The following RAPGEF2 variants were observed in gnomAD, a reference collection of about 807,000 sequenced individuals.
The protein encoded by RAPGEF2 is PDZ domain containing guanine nucleotide exchange factor (GEF) 1.
RAPGEF2 carries 54 observed loss-of-function variants against 186.7 expected under a neutral mutation model. That is an observed-to-expected ratio of 0.29 (90% CI 0.23 to 0.36). The LOEUF is 0.36. Among genes scored for constraint, RAPGEF2 ranks in the 10% least tolerant of loss-of-function variants. The probability of loss-of-function intolerance (pLI) is 1.00; values close to 1 mark genes in which losing one functional copy is unlikely to be tolerated. For missense variants in RAPGEF2, 1,532 were observed against 2,045.0 expected (o/e 0.75, Z 4.84); for synonymous variants, 712 against 705.9 (o/e 1.01, Z -0.14).
intron 1 of RAPGEF2, among the ~76,000 whole-genome samples, chr4:159,143,883 G>T (rs1487064202): frequency 3.3e-5 from 5 of 152,202 alleles, no homozygotes; most frequent in Non-Finnish European, 7.3e-5. Context: ...ATGGCATTGG[G>T]TTGTCATGTG....
intron 1 of RAPGEF2, among the ~76,000 whole-genome samples, chr4:159,162,609 C>T (rs1386743281): frequency 6.6e-6 from 1 of 152,000 alleles, no homozygotes; most frequent in Non-Finnish European, 1.5e-5. Flanking sequence ...CAAAATAGAA[C>T]CTAAGGGTTT....
intron 1 of RAPGEF2, among the ~76,000 whole-genome samples, chr4:159,121,406 G>T (rs1042138950): frequency 6.9e-6 from 1 of 145,292 alleles, no homozygotes; most frequent in Non-Finnish European, 1.5e-5. Context: ...TCTGTCTGTT[G>T]CCCAGGCTGG....
chr4:159,214,100 T>C (rs1452461364), intron 4 of RAPGEF2, among the ~76,000 whole-genome samples: 1 of 152,242 alleles, frequency 6.6e-6, no homozygotes, highest in Admixed American at 6.5e-5. Context: ...GGAAGATTGC[T>C]ATCAAAGGTA....
intron 4 of RAPGEF2, among the ~76,000 whole-genome samples, chr4:159,234,278 G>A (rs531040435): frequency 6.6e-6 from 1 of 152,240 alleles, no homozygotes; most frequent in South Asian, 2.1e-4. Flanking sequence ...GTACATTTAA[G>A]TTACCCAAGT....
At chr4:159,109,761 T>C (rs1042203554) in intron 1 of RAPGEF2, among the ~76,000 whole-genome samples, 1 of 152,204 alleles carries the variant, frequency 6.6e-6, no homozygotes, top group Non-Finnish European at 1.5e-5. Context: ...ACCAGTGAAC[T>C]AGTGGACCTG....
At position 159,360,109 on chromosome 4, in the gene RAPGEF2, TCC is replaced by T. The variant is rs1407627441; in HGVS notation, c.*1971_*1972del. ...AATGTACTATGTTTATGCTTCTACA[TCC>T]AGTTTGTACAAGCTGGAAAATAAAT... On this transcript the variant is annotated 3_prime_UTR_variant, in exon 30 of 30. Coordinates refer to ENST00000691494, the MANE Select transcript of RAPGEF2 (RefSeq NM_001394067.2). The T allele has an allele frequency of 3.9e-5, 6 of 152,210 alleles. No individual in the cohort carries two copies. In the East Asian group the frequency reaches 7.7e-4, roughly 20 times the overall value. The allele number at this position is 152,210 out of a possible 1,614,324, so 9.4% of individuals were successfully genotyped here. A position where few individuals can be genotyped will look rare whatever the true frequency, so the allele number is the denominator to read the frequency against.
chr4:159,179,973 T>C (rs938710629), intron 1 of RAPGEF2, among the ~76,000 whole-genome samples: 3 of 152,204 alleles, frequency 2.0e-5, no homozygotes, highest in African/African-American at 7.2e-5. Flanking sequence ...CTTTAATTCT[T>C]AGACCAGGGC....
chr4:159,188,023 TAAGTC>T (rs1305974353), intron 2 of RAPGEF2, among the ~76,000 whole-genome samples: 3 of 152,086 alleles, frequency 2.0e-5, no homozygotes, highest in African/African-American at 7.3e-5. Context: ...GTTTAAAAAT[TAAGTC>T]AAGTTTTATT....
rs908582468 is a variant in RAPGEF2 at position 159,358,964 on chromosome 4, C to G, written c.*825C>G. The G allele has an allele frequency of 6.6e-6, 1 of 152,248 alleles. No homozygotes were observed. Among genetic ancestry groups the G allele is most frequent in the Non-Finnish European group, 1.5e-5 (1 of 68,078 alleles). The allele number at this position is 152,248 out of a possible 1,614,324, so 9.4% of individuals were successfully genotyped here. ...TCCTTCCCCAGTGGATGGGGTTCTT[C>G]TGTAAAACTGTTTGCACATGGCCAG... On this transcript the variant is annotated 3_prime_UTR_variant, in exon 30 of 30. Transcript: ENST00000691494.
intron 1 of RAPGEF2, among the ~76,000 whole-genome samples, chr4:159,185,888 T>C (rs1561058790): frequency 1.3e-5 from 2 of 152,176 alleles, no homozygotes. Context: ...CTGTTGTAGA[T>C]TTTGACTAAG....
chr4:159,284,908 C>T (rs1021832190), intron 7 of RAPGEF2, among the ~76,000 whole-genome samples: 3 of 152,020 alleles, frequency 2.0e-5, no homozygotes, highest in Admixed American at 6.6e-5. Context: ...GAAAAATTAG[C>T]GGGGCGTGGT....
intron 4 of RAPGEF2, among the ~76,000 whole-genome samples, chr4:159,212,208 C>T (rs1284023160): frequency 2.0e-5 from 3 of 152,116 alleles, no homozygotes; most frequent in Non-Finnish European, 4.4e-5. Flanking sequence ...ATTCTGTTTT[C>T]GGCAGGAATG....
intron 1 of RAPGEF2, among the ~76,000 whole-genome samples, chr4:159,171,705 T>C (rs1358649227): frequency 6.6e-6 from 1 of 152,184 alleles, no homozygotes; most frequent in Non-Finnish European, 1.5e-5. Flanking sequence ...TAAGAATCTT[T>C]CATGGGATAG....
chr4:159,148,305 CAGTT>C (rs1230615272), intron 1 of RAPGEF2, among the ~76,000 whole-genome samples: 12 of 152,042 alleles, frequency 7.9e-5, no homozygotes, highest in South Asian at 2.1e-4. Flanking sequence ...AAAGTATAGA[CAGTT>C]AGGCAAGGTT....
chr4:159,321,976 G>T (rs1212978395), intron 9 of RAPGEF2, among the ~76,000 whole-genome samples: 1 of 152,192 alleles, frequency 6.6e-6, no homozygotes, highest in Non-Finnish European at 1.5e-5. Flanking sequence ...GCACAGGAAT[G>T]AACCAACTGA....
In RAPGEF2 at chr4:159,192,069, C is replaced by T. The variant is rs115329332; in HGVS notation, c.141-1131C>T. On this transcript the variant is annotated intron_variant, in intron 2 of 29. Coordinates refer to ENST00000691494, the MANE Select transcript of RAPGEF2 (RefSeq NM_001394067.2). The stretch of plus-strand genomic sequence containing the variant: ...ATTCCAACAGGAAACAAGGCAGAGC[C>T]CATTATCTAGTTTAAGACCAGATAT... Among the ~76,000 whole-genome samples, 720 of 152,206 alleles carry T rather than the reference C, an allele frequency of 4.7e-3. 4 individuals are homozygous for T. The highest frequency in any genetic ancestry group is 0.017 in the African/African-American group (696 of 41,522).
chr4:159,147,262 A>C (rs1743046481), intron 1 of RAPGEF2, among the ~76,000 whole-genome samples: 1 of 152,256 alleles, frequency 6.6e-6, no homozygotes. Flanking sequence ...CAAACATGTT[A>C]ATATAATGAA....
At position 159,276,704 on chromosome 4, in the gene RAPGEF2, G is replaced by A. The variant is rs530172993; in HGVS notation, c.544-27638G>A. 5.9e-5 allele frequency among the ~76,000 whole-genome samples: 9 copies of A among 152,036 alleles called. No homozygotes were observed. In the South Asian group the frequency reaches 1.9e-3, roughly 32 times the overall value. On this transcript the variant is annotated intron_variant, in intron 7 of 29. Coordinates refer to ENST00000691494, the MANE Select transcript of RAPGEF2 (RefSeq NM_001394067.2). ...CTTTTAATGTGTTCATTTTAGTTGG[G>A]CATATTCCCAGATTTCTTTACCGTT...
chr4:159,109,265 A>G (rs919143364), intron 1 of RAPGEF2, among the ~76,000 whole-genome samples: 1 of 152,072 alleles, frequency 6.6e-6, no homozygotes, highest in African/African-American at 2.4e-5. Context: ...CTGAGGTGGG[A>G]GGATCTCTTG....
Sources: allele counts gnomAD v4.1 joint callset (sites outside exome capture counted in the v4.1 genomes callset), GRCh38; gene constraint gnomAD v4.1.1; transcripts MANE v1.5; gene names NCBI Gene and HGNC (gene_info 2026-07-23, HGNC 2026-07-21).